Variants in CROCC observed in about 807,000 individuals in gnomAD.
The protein encoded by CROCC is rootletin.
CROCC carries 180 observed loss-of-function variants against 245.2 expected under a neutral mutation model. The ratio of observed to expected loss-of-function variants is 0.73; its 90% CI spans 0.65 to 0.83. CROCC has a LOEUF of 0.83. Among genes scored for constraint, CROCC ranks in the 40% least tolerant of loss-of-function variants. CROCC has a pLI of 0.00. For synonymous variants in CROCC, 1,205 were observed against 1,241.6 expected (o/e 0.97, Z 0.62); for missense variants, 2,688 against 2,779.4 (o/e 0.97, Z 0.74).
rs1484579702 is a variant in CROCC, at chr1:16,970,774, C to T, written c.5784+7C>T. The T allele has an allele frequency of 1.3e-6, 2 of 1,569,448 alleles. No homozygotes were observed. The highest frequency in any genetic ancestry group is 2.3e-5 in the East Asian group (1 of 44,438). ...GCAGATCCAGCAGCTGGAGGTCTGA[C>T]CCCACCCAGTCCGGGACCCCAACTT... On this transcript the variant is annotated splice_region_variant and intron_variant, in intron 35 of 36. Coordinates refer to ENST00000375541, the MANE Select transcript of CROCC (RefSeq NM_014675.5).
chr1:16,971,442 C>T lies in CROCC; in HGVS notation c.5785-23C>T, dbSNP rs367932824. 6.2e-5 allele frequency: 95 copies of T among 1,523,750 alleles called. No individual in the cohort carries two copies. The Middle Eastern group carries it at 9.2e-4, about 15-fold the overall frequency. 94.4% of individuals were successfully genotyped at this position (1,523,750 alleles called of 1,614,324 possible). A position where few individuals can be genotyped will look rare whatever the true frequency, so the allele number is the denominator to read the frequency against. On this transcript the variant is annotated intron_variant, in intron 35 of 36. Coordinates refer to ENST00000375541, the MANE Select transcript of CROCC (RefSeq NM_014675.5). Reference sequence around the variant, plus strand: ...CACACACTCACACTGGGCCAGAACGCGGACCACAGCCCCTCCCTGCAGGCG... The same window carrying T: ...CACACACTCACACTGGGCCAGAACGTGGACCACAGCCCCTCCCTGCAGGCG...
At chr1:16,961,205 GTGTTTT>G (rs995157335) in intron 27 of CROCC, 75 bp downstream of exon 27, 468 of 1,232,774 alleles carry the variant, frequency 3.8e-4, no homozygotes, top group Non-Finnish European at 4.3e-4. Flanking sequence ...ACATGGCAGG[GTGTTTT>G]TGTTTTTGTT....
At position 16,966,248 on chromosome 1, in the gene CROCC, C is replaced by G. The variant is rs938904954; in HGVS notation, c.4696+129C>G. ...GACTCGGGGCTGTCTCCAAGAGGAC[C>G]CTCCTTGGACAGCCTCACCTGTGTG... On this transcript the variant is annotated intron_variant, in intron 29 of 36. Transcript: ENST00000375541. The surrounding 1 kb of genome is among the most constrained non-coding windows in gnomAD (Gnocchi z 4.8). The G allele has an allele frequency of 4.8e-6, 7 of 1,445,148 alleles. No individual in the cohort carries two copies. In the East Asian group the frequency reaches 1.5e-4, roughly 31 times the overall value. The allele number at this position is 1,445,148 out of a possible 1,614,324, so 89.5% of individuals were successfully genotyped here.
Position 16,953,282 on chromosome 1 carries a change from A to G in CROCC, c.3007-20A>G, listed in dbSNP as rs555701016. The G allele has an allele frequency of 2.2e-4, 333 of 1,524,076 alleles. 1 individual carries two copies. Among genetic ancestry groups the G allele is most frequent in the Middle Eastern group, 4.7e-4 (2 of 4,282 alleles). The allele number at this position is 1,524,076 out of a possible 1,614,324, so 94.4% of individuals were successfully genotyped here. On this transcript the variant is annotated intron_variant, in intron 20 of 36. Coordinates refer to ENST00000375541, the MANE Select transcript of CROCC (RefSeq NM_014675.5). ...GGCCCCCTCCTGGTGTGTCACAGGC[A>G]TCCGGTCCTGGCCCCCTAGGAGGCA...
chr1:16,932,684 G>A (rs1332158849), intron 8 of CROCC, among the ~76,000 whole-genome samples: 3 of 152,264 alleles, frequency 2.0e-5, no homozygotes, highest in South Asian at 2.1e-4. Context: ...TGGCAGCCAG[G>A]GGGGTTGCAA....
chr1:16,961,349 A>G (rs2076330640), intron 27 of CROCC, among the ~76,000 whole-genome samples: 1 of 150,310 alleles, frequency 6.7e-6, no homozygotes, highest in African/African-American at 2.5e-5. Context: ...TCTTTAGACC[A>G]GGCCTCATCT....
intron 11 of CROCC, among the ~76,000 whole-genome samples, 200 bp downstream of exon 11, chr1:16,938,683 G>A (rs1246934646): frequency 2.0e-5 from 3 of 152,280 alleles, no homozygotes; most frequent in African/African-American, 7.2e-5. Context: ...ACGACCCTTT[G>A]GGAGCCCACC....
rs535708211 is a variant in CROCC, at chr1:16,932,719, G to C, written c.956+1322G>C. Among the ~76,000 whole-genome samples the C allele has an allele frequency of 3.3e-5, 5 of 152,396 alleles. No homozygotes were observed. The East Asian group carries it at 7.7e-4, about 24-fold the overall frequency. On this transcript the variant is annotated intron_variant, in intron 8 of 36. Transcript: ENST00000375541. Reference sequence around the variant, plus strand: ...ATGAAGAGCTGGTACAGGGAAAGGAGAGCCTGCCTCAGCGGGGGAGCTTGG... The same window carrying C: ...ATGAAGAGCTGGTACAGGGAAAGGACAGCCTGCCTCAGCGGGGGAGCTTGG...
intron 25 of CROCC, among the ~76,000 whole-genome samples, chr1:16,957,999 T>G (rs6697963): frequency 1.4e-3 from 140 of 100,668 alleles, no homozygotes; most frequent in Admixed American, 4.0e-3. Context: ...GCAGTACCCC[T>G]CCCTGCTCCT....
At chr1:16,951,523 G>T (rs1810518) in intron 20 of CROCC, among the ~76,000 whole-genome samples, 6 of 151,100 alleles carry the variant, frequency 4.0e-5, no homozygotes, top group South Asian at 2.1e-4. Context: ...GGTTTGAATC[G>T]AATCTTGGTC....
At chr1:16,956,192 GC>G in intron 25 of CROCC, 36 bp downstream of exon 25, 2 of 1,495,214 alleles carry the variant, frequency 1.3e-6, no homozygotes, top group Non-Finnish European at 1.8e-6. Flanking sequence ...CCTGGGGCTT[GC>G]TGTGTGCCCC....
intron 8 of CROCC, among the ~76,000 whole-genome samples, chr1:16,935,270 G>C (rs558637686): frequency 1.2e-4 from 18 of 152,338 alleles, no homozygotes; most frequent in South Asian, 1.0e-3. Flanking sequence ...CACACACACA[G>C]AGACACACAG....
At chr1:16,929,531 G>C (rs2075614953) in intron 3 of CROCC, among the ~76,000 whole-genome samples, 2 of 152,298 alleles carry the variant, frequency 1.3e-5, no homozygotes. Flanking sequence ...AAGTGTTCTG[G>C]AGGAGAGGCA....
At chr1:16,967,489 G>A (rs1023113855) in intron 30 of CROCC, among the ~76,000 whole-genome samples, 5 of 152,230 alleles carry the variant, frequency 3.3e-5, no homozygotes, top group African/African-American at 1.2e-4. Flanking sequence ...AGGGGCTGCA[G>A]GAGGAGGCCA....
At chr1:16,941,393 C>T (rs2075928251) in intron 13 of CROCC, 1 of 152,524 alleles carries the variant, frequency 6.6e-6, no homozygotes, top group South Asian at 2.1e-4. Context: ...CCACTGCACT[C>T]CAGGCTGGGA....
At position 16,944,202 on chromosome 1, in the gene CROCC, G is replaced by A. The variant is rs1279928743; in HGVS notation, c.1911G>A (p.Arg637=). ...EKLQAAQEEL[R]RQRDRLEEEQ... ...TGCAGGCTGCCCAGGAGGAGCTGCGGCGCCAGCGGGACCGGCTGGAGGAAG... is the reference window on the plus strand; with the variant it reads ...TGCAGGCTGCCCAGGAGGAGCTGCGACGCCAGCGGGACCGGCTGGAGGAAG... Residue 637 remains arginine, a synonymous_variant, in exon 14 of 37, where the codon CGG becomes CGA. Coordinates refer to ENST00000375541, the MANE Select transcript of CROCC (RefSeq NM_014675.5). 4 of 1,555,492 alleles carry A rather than the reference G, an allele frequency of 2.6e-6. No homozygotes were observed. The South Asian group carries it at 4.7e-5, about 18-fold the overall frequency.
intron 2 of CROCC, 28 bp from the exon 3 acceptor site, chr1:16,924,297 C>T (rs1303763241): frequency 1.9e-6 from 3 of 1,603,456 alleles, no homozygotes; most frequent in Non-Finnish European, 2.6e-6. Flanking sequence ...ACCCAGAAGC[C>T]AACCATGTGC....
chr1:16,963,734 G>A (rs753440886), intron 27 of CROCC, among the ~76,000 whole-genome samples: 6 of 151,896 alleles, frequency 4.0e-5, no homozygotes, highest in Non-Finnish European at 8.8e-5. Flanking sequence ...CCAGGGAGTC[G>A]GGCTGCCTGG....
upstream of CROCC, among the ~76,000 whole-genome samples, chr1:16,921,403 A>G (rs1325083417): frequency 6.6e-6 from 1 of 152,288 alleles, no homozygotes; most frequent in African/African-American, 2.4e-5. Flanking sequence ...ATAAATGCTC[A>G]TCAGTCCAGG....
Sources: allele counts gnomAD v4.1 joint callset (sites outside exome capture counted in the v4.1 genomes callset), GRCh38; gene constraint gnomAD v4.1.1; non-coding constraint Gnocchi (gnomAD v3.1); transcripts MANE v1.5; gene names NCBI Gene and HGNC (gene_info 2026-07-23, HGNC 2026-07-21).